Variants in STXBP5L observed in about 807,000 individuals in gnomAD.
STXBP5L encodes syntaxin binding protein 5L, also known as syntaxin-binding protein 5-like.
In STXBP5L, 65 loss-of-function variants were observed where a neutral mutation model predicts 144.5. That is an observed-to-expected ratio of 0.45 (90% CI 0.37 to 0.55). The LOEUF is 0.55. Among genes scored for constraint, STXBP5L ranks in the 20% least tolerant of loss-of-function variants. The pLI is 0.00. For synonymous variants in STXBP5L, 505 were observed against 469.6 expected, an observed-to-expected ratio of 1.08 and a Z score of -0.97; for missense variants, 1,298 against 1,405.5, an observed-to-expected ratio of 0.92 and a Z score of 1.22.
At chr3:121,159,551 C>T (rs2046239678) in intron 9 of STXBP5L, among the ~76,000 whole-genome samples, 2 of 151,648 alleles carry the variant, frequency 1.3e-5, no homozygotes, top group Admixed American at 1.3e-4. Context: ...ACAAAATCTA[C>T]TGAGATTTGC....
At chr3:121,121,007 T>C (rs2044435167) in intron 6 of STXBP5L, among the ~76,000 whole-genome samples, 1 of 151,276 alleles carries the variant, frequency 6.6e-6, no homozygotes, top group African/African-American at 2.4e-5. Context: ...GTCAGATTGA[T>C]AGAGAGAGCC....
At chr3:121,237,609 A>G (rs2049523627) in intron 12 of STXBP5L, among the ~76,000 whole-genome samples, 2 of 152,206 alleles carry the variant, frequency 1.3e-5, no homozygotes, top group Admixed American at 1.3e-4. Flanking sequence ...TTACTACCAC[A>G]TGGCCAGGCT....
chr3:121,073,395 G>A (rs750038579), intron 5 of STXBP5L, among the ~76,000 whole-genome samples: 1 of 152,132 alleles, frequency 6.6e-6, no homozygotes, highest in Admixed American at 6.5e-5. Flanking sequence ...TGGGGCACCC[G>A]AATTATTAAC....
chr3:120,985,040 T>C (rs895428112), intron 3 of STXBP5L, among the ~76,000 whole-genome samples: 14 of 152,270 alleles, frequency 9.2e-5, no homozygotes, highest in African/African-American at 3.4e-4. Flanking sequence ...ATTCTTTTAA[T>C]ATGCTGCTGT....
At chr3:121,217,731 G>A (rs947255643) in intron 10 of STXBP5L, among the ~76,000 whole-genome samples, 2 of 151,860 alleles carry the variant, frequency 1.3e-5, no homozygotes, top group Non-Finnish European at 2.9e-5. Flanking sequence ...TCTTTATTGT[G>A]TTATCTACTA....
chr3:121,112,048 TC>T (rs2044011886), intron 5 of STXBP5L, among the ~76,000 whole-genome samples: 1 of 152,080 alleles, frequency 6.6e-6, no homozygotes, highest in Non-Finnish European at 1.5e-5. Flanking sequence ...GGAGAATTCC[TC>T]CTGAGTCCAA....
chr3:121,350,162 A>T (rs1407851501), intron 20 of STXBP5L, among the ~76,000 whole-genome samples: 1 of 152,168 alleles, frequency 6.6e-6, no homozygotes. Flanking sequence ...TGGTGGTGAC[A>T]AAATGTCTCA....
At chr3:121,024,584 C>T (rs1945794219) in intron 3 of STXBP5L, among the ~76,000 whole-genome samples, 1 of 152,150 alleles carries the variant, frequency 6.6e-6, no homozygotes, top group Non-Finnish European at 1.5e-5. Context: ...GTTTCCACTT[C>T]TTTTCTGTGA....
intron 17 of STXBP5L, among the ~76,000 whole-genome samples, chr3:121,258,553 G>C (rs934817530): frequency 2.0e-5 from 3 of 152,088 alleles, no homozygotes; most frequent in African/African-American, 7.2e-5. Flanking sequence ...TATATTTTTT[G>C]AAAGTAGCAT....
intron 5 of STXBP5L, among the ~76,000 whole-genome samples, chr3:121,069,744 T>C (rs1348576609): frequency 6.6e-6 from 1 of 152,238 alleles, no homozygotes; most frequent in Non-Finnish European, 1.5e-5. Context: ...TTTAAAATTA[T>C]AACTCATTTT....
At position 121,051,125 on chromosome 3, in the gene STXBP5L, C is replaced by T. The variant is rs1406466008; in HGVS notation, c.470+5590C>T. Among the ~76,000 whole-genome samples, 3 of 152,118 alleles carry T rather than the reference C, an allele frequency of 2.0e-5. No homozygotes were observed. The East Asian group carries it at 5.8e-4, about 29-fold the overall frequency. ...CTACAAAGAGACTTAGACTCCCACA[C>T]AATAATAATGGGAGACTTTAACACC... On this transcript the variant is annotated intron_variant, in intron 5 of 26. Transcript: ENST00000471454.
chr3:121,068,802 CT>C (rs2041669898), intron 5 of STXBP5L, among the ~76,000 whole-genome samples: 1 of 152,090 alleles, frequency 6.6e-6, no homozygotes, highest in African/African-American at 2.4e-5. Context: ...TACTTGCATT[CT>C]TTTTCTTTTG....
chr3:121,069,687 C>CA (rs1429914739), intron 5 of STXBP5L, among the ~76,000 whole-genome samples: 1 of 151,544 alleles, frequency 6.6e-6, no homozygotes, highest in African/African-American at 2.4e-5. Flanking sequence ...CCTTAGGTCT[C>CA]AAAGATTTTC....
chr3:120,976,694 T>G (rs1270980618), intron 3 of STXBP5L, among the ~76,000 whole-genome samples: 1 of 152,204 alleles, frequency 6.6e-6, no homozygotes. Context: ...TGCTATAAAT[T>G]TTCCTCTACA....
intron 26 of STXBP5L, among the ~76,000 whole-genome samples, 195 bp downstream of exon 26, chr3:121,418,752 G>A (rs1246735320): frequency 6.9e-6 from 1 of 145,184 alleles, no homozygotes. Context: ...ATACTTTAAT[G>A]TATCGATACT....
chr3:121,097,130 G>A (rs777821586), intron 5 of STXBP5L, among the ~76,000 whole-genome samples: 6 of 152,180 alleles, frequency 3.9e-5, no homozygotes, highest in Non-Finnish European at 8.8e-5. Context: ...TTTACTCTGT[G>A]AGCTTAAAAC....
chr3:121,336,410 T>C (rs530142315), intron 20 of STXBP5L, among the ~76,000 whole-genome samples: 1 of 152,158 alleles, frequency 6.6e-6, no homozygotes, highest in South Asian at 2.1e-4. Context: ...GATGGAAGGA[T>C]CACTTGAGCC....
chr3:121,253,162 G>A (rs552542526), intron 15 of STXBP5L, among the ~76,000 whole-genome samples: 1 of 151,640 alleles, frequency 6.6e-6, no homozygotes, highest in South Asian at 2.1e-4. Context: ...TCTGACCTCA[G>A]AAGCCAGGCT....
chr3:121,072,795 C>T (rs1469792864), intron 5 of STXBP5L, among the ~76,000 whole-genome samples: 1 of 152,174 alleles, frequency 6.6e-6, no homozygotes, highest in Admixed American at 6.5e-5. Context: ...CTTTTGGAGC[C>T]CATACGGCTT....
Sources: gnomAD v4.1 joint callset for allele counts (sites outside exome capture counted in the v4.1 genomes callset) on GRCh38, gnomAD v4.1.1 for gene constraint, MANE v1.5 for transcripts, NCBI Gene and HGNC (gene_info 2026-07-23, HGNC 2026-07-21) for gene names.